NELL2: variants seen among roughly 807,000 people sequenced by gnomAD.
The protein encoded by NELL2 is neural EGFL like 2, also known as protein kinase C-binding protein NELL2.
NELL2 carries 41 observed loss-of-function variants against 109.6 expected under a neutral mutation model. The ratio of observed to expected loss-of-function variants is 0.37; its 90% CI spans 0.29 to 0.49. The LOEUF (loss-of-function observed/expected upper bound fraction) is 0.49. Among genes scored for constraint, NELL2 ranks in the 20% least tolerant of loss-of-function variants. The pLI is 0.98. For missense variants in NELL2, 900 were observed against 1,008.3 expected (o/e 0.89, Z 1.45); for synonymous variants, 355 against 344.7 (o/e 1.03, Z -0.33).
chr12:44,876,582 G>T (rs758273165), upstream of NELL2: 1 of 1,532,538 alleles, frequency 6.5e-7, no homozygotes. Context: ...AAGGTGCTAA[G>T]TTGATGGGCG....
chr12:44,644,579 A>AGTATATATATATATATATATATGT (rs1566076883), intron 13 of NELL2, among the ~76,000 whole-genome samples: 1 of 70,088 alleles, frequency 1.4e-5, no homozygotes, highest in Non-Finnish European at 2.6e-5. Context: ...GACAAAGTAA[A>AGTATATATATATATATATATATGT]GTATATATAT....
chr12:44,795,641 TAAAC>T (rs1263086421), intron 3 of NELL2, among the ~76,000 whole-genome samples: 3 of 152,072 alleles, frequency 2.0e-5, no homozygotes, highest in Non-Finnish European at 4.4e-5. Context: ...AGCCAGGAAA[TAAAC>T]AAGGCAAAAA....
chr12:44,848,030 CAAA>C (rs567012744), intron 2 of NELL2, among the ~76,000 whole-genome samples: 4 of 69,368 alleles, frequency 5.8e-5, no homozygotes, highest in East Asian at 4.0e-4. Context: ...AACTCTGTCT[CAAA>C]AAAAAAAAAA....
At chr12:44,587,284 A>AAAAAAAATATATATATATATAT in intron 15 of NELL2, among the ~76,000 whole-genome samples, 4 of 72,180 alleles carry the variant, frequency 5.5e-5, no homozygotes, top group Non-Finnish European at 1.1e-4. Flanking sequence ...AAAAAAAAAA[A>AAAAAAAATATATATATATATAT]ATATATATAT....
chr12:44,841,621 G>C (rs1477538151), intron 2 of NELL2, among the ~76,000 whole-genome samples: 2 of 152,124 alleles, frequency 1.3e-5, no homozygotes, highest in Non-Finnish European at 2.9e-5. Flanking sequence ...TAGGAATCTT[G>C]CATAGGGTTC....
chr12:44,913,019 G>A (rs1011054266), intron 1 of NELL2, among the ~76,000 whole-genome samples: 1 of 152,140 alleles, frequency 6.6e-6, no homozygotes, highest in Non-Finnish European at 1.5e-5. Context: ...TATTTATAAA[G>A]TCCTTAGAAA....
At position 44,547,879 on chromosome 12, in the gene NELL2, AT is replaced by A. The variant is rs1189010039; in HGVS notation, c.1664-15159del. On this transcript the variant is annotated intron_variant, in intron 15 of 19. Transcript: ENST00000429094. ...CTTCCTTTTGAGGCACCGAAAGTAT[AT>A]TTTCAAGGCTCTTCACAAGTCTTAC... 3.3e-5 allele frequency among the ~76,000 whole-genome samples: 5 copies of A among 152,090 alleles called. No homozygotes were observed. In the South Asian group the frequency reaches 8.3e-4, roughly 25 times the overall value.
rs1172336164 is a variant in NELL2, at chr12:44,777,139, A to G, written c.680-15T>C. The stretch of plus-strand genomic sequence containing the variant: ...AGTTGGACAGGCTGGAATTACAAAC[A>G]CTACATTTGGTCAAGATGCATTTAT... On this transcript the variant is annotated splice_polypyrimidine_tract_variant and intron_variant, in intron 6 of 19. Coordinates refer to ENST00000429094, the MANE Select transcript of NELL2 (RefSeq NM_001145108.2). The G allele has an allele frequency of 1.9e-6, 3 of 1,613,788 alleles. No homozygotes were observed. The highest frequency in any genetic ancestry group is 2.2e-5 in the South Asian group (2 of 91,074).
At chr12:44,900,581 T>C (rs754852864) in intron 1 of NELL2, among the ~76,000 whole-genome samples, 1 of 151,542 alleles carries the variant, frequency 6.6e-6, no homozygotes. Flanking sequence ...GAAGACACAA[T>C]GTACCAGAAT....
At chr12:44,691,851 A>C (rs1214711327) in intron 12 of NELL2, among the ~76,000 whole-genome samples, 1 of 152,158 alleles carries the variant, frequency 6.6e-6, no homozygotes, top group African/African-American at 2.4e-5. Flanking sequence ...GAGGTGATGA[A>C]GCTGCAGAAG....
chr12:44,788,277 C>G (rs77680181), intron 3 of NELL2, among the ~76,000 whole-genome samples: 7,589 of 152,212 alleles, frequency 0.05, 286 homozygotes, highest in Non-Finnish European at 0.077. Flanking sequence ...ACCCACCCCA[C>G]GGACCCTCTG....
chr12:44,895,461 A>T (rs191029827), intron 1 of NELL2, among the ~76,000 whole-genome samples: 5 of 152,302 alleles, frequency 3.3e-5, no homozygotes, highest in African/African-American at 1.2e-4. Flanking sequence ...ATGATTAAAT[A>T]AAAAAATACA....
intron 2 of NELL2, among the ~76,000 whole-genome samples, chr12:44,864,589 G>T (rs912106789): frequency 1.3e-5 from 2 of 152,098 alleles, no homozygotes; most frequent in African/African-American, 4.8e-5. Context: ...TCTAAAAGAA[G>T]AGATAGACTG....
At chr12:44,679,285 T>C (rs1948420170) in intron 12 of NELL2, among the ~76,000 whole-genome samples, 1 of 152,038 alleles carries the variant, frequency 6.6e-6, no homozygotes, top group African/African-American at 2.4e-5. Flanking sequence ...GTTTCATTGG[T>C]AAGGAAGTCA....
At chr12:44,897,159 G>A (rs140945984) in intron 1 of NELL2, among the ~76,000 whole-genome samples, 1 of 152,068 alleles carries the variant, frequency 6.6e-6, no homozygotes, top group African/African-American at 2.4e-5. Flanking sequence ...ATCTACTGAG[G>A]TTAGTAGAAT....
chr12:44,532,521 T>C (rs1409061628), intron 16 of NELL2, 60 bp downstream of exon 16: 8 of 1,539,266 alleles, frequency 5.2e-6, no homozygotes, highest in Admixed American at 1.8e-5. Flanking sequence ...TTATAGCTTA[T>C]GATATATTCC....
chr12:44,905,126 C>T (rs1945705609), intron 1 of NELL2, among the ~76,000 whole-genome samples: 1 of 152,052 alleles, frequency 6.6e-6, no homozygotes, highest in Admixed American at 6.6e-5. Context: ...CTATAATGAA[C>T]ATTTCTTTGA....
At chr12:44,682,695 T>A (rs1193435987) in intron 12 of NELL2, among the ~76,000 whole-genome samples, 2 of 152,206 alleles carry the variant, frequency 1.3e-5, no homozygotes, top group East Asian at 1.9e-4. Flanking sequence ...CCATTTCTTG[T>A]TTTTGTCAGG....
intron 1 of NELL2, among the ~76,000 whole-genome samples, chr12:44,902,683 T>C (rs1199580602): frequency 6.6e-6 from 1 of 152,172 alleles, no homozygotes; most frequent in Non-Finnish European, 1.5e-5. Context: ...CAAAACAGCA[T>C]GGTACTGGTA....
Sources: gnomAD v4.1 joint callset for allele counts (sites outside exome capture counted in the v4.1 genomes callset) on GRCh38, gnomAD v4.1.1 for gene constraint, MANE v1.5 for transcripts, NCBI Gene and HGNC (gene_info 2026-07-23, HGNC 2026-07-21) for gene names.